The following WDFY4 variants were observed in gnomAD, a reference collection of about 807,000 sequenced individuals.
WDFY4 encodes WD repeat- and FYVE domain-containing protein 4.
A neutral mutation model predicts 351.9 loss-of-function variants in WDFY4; 169 were observed. The ratio of observed to expected loss-of-function variants is 0.48; its 90% confidence interval spans 0.42 to 0.55. The LOEUF is 0.55. Ranked by LOEUF, WDFY4 falls within the 20% of genes least tolerant of loss-of-function variation. WDFY4 has a pLI of 0.00. For synonymous variants in WDFY4, 1,622 were observed against 1,574.6 expected (o/e 1.03, Z -0.71); for missense variants, 3,803 against 3,935.6 (o/e 0.97, Z 0.90).
intron 9 of WDFY4, among the ~76,000 whole-genome samples, chr10:48,731,858 C>T (rs2064471297): frequency 6.6e-6 from 1 of 152,202 alleles, no homozygotes. Flanking sequence ...CTGCAGGGGT[C>T]TGACAGCTCC....
At position 48,807,936 on chromosome 10, in the gene WDFY4, C is replaced by A. The variant is rs1339460634; in HGVS notation, c.4816C>A (p.Pro1606Thr). ...GATGCTGCTCAGTGTAATATCTTCC[C>A]CCCAGCTTCATCTGTCCTCTGAGTA... is the stretch of plus-strand genomic sequence containing the variant. Reference protein sequence around the residue: ...LEMLLSVISSPQLHLSSESKE... With the variant: ...LEMLLSVISSTQLHLSSESKE... Residue 1606 changes from proline (P) to threonine (T), a missense_variant, in exon 28 of 62, where the codon CCC (proline) becomes ACC (threonine). Transcript: ENST00000325239. 2 of 1,547,882 alleles carry A rather than the reference C, an allele frequency of 1.3e-6. No homozygotes were observed. Among genetic ancestry groups the A allele is most frequent in the East Asian group, 4.9e-5 (2 of 40,642 alleles).
intron 29 of WDFY4, 73 bp from the exon 30 acceptor site, chr10:48,811,466 T>A: frequency 7.2e-7 from 1 of 1,385,528 alleles, no homozygotes; most frequent in Non-Finnish European, 9.8e-7. Context: ...GGTGTTCCTT[T>A]GTGTGTCCAG....
chr10:48,844,920 T>G (rs969079581), intron 39 of WDFY4, among the ~76,000 whole-genome samples: 5 of 152,196 alleles, frequency 3.3e-5, no homozygotes, highest in Admixed American at 3.3e-4. Context: ...ACCTAGATGA[T>G]GCGCCAGAGA....
At chr10:48,726,194 A>G in intron 6 of WDFY4, 124 bp downstream of exon 6, 1 of 1,162,090 alleles carries the variant, frequency 8.6e-7, no homozygotes, top group Non-Finnish European at 1.2e-6. Context: ...CTCTTATAGA[A>G]TTTTGGGACC....
intron 44 of WDFY4, 148 bp from the exon 45 acceptor site, chr10:48,897,306 C>G: frequency 8.9e-7 from 1 of 1,129,046 alleles, no homozygotes; most frequent in South Asian, 1.5e-5. Flanking sequence ...GTAGGGCTAG[C>G]ACACTGGTTG....
At chr10:48,974,409 C>A (rs539764558) in intron 57 of WDFY4, among the ~76,000 whole-genome samples, 1 of 135,208 alleles carries the variant, frequency 7.4e-6, no homozygotes, top group South Asian at 2.4e-4. Flanking sequence ...GAGGCTGATG[C>A]AAAAGAATTG....
chr10:48,788,783 T>C (rs2066581690), intron 21 of WDFY4, 108 bp downstream of exon 21: 1 of 1,355,832 alleles, frequency 7.4e-7, no homozygotes, highest in South Asian at 1.5e-5. Flanking sequence ...CTTGTGTAGA[T>C]GGATACACAA....
At chr10:48,718,188 A>C (rs1311316330) in intron 2 of WDFY4, among the ~76,000 whole-genome samples, 3 of 151,964 alleles carry the variant, frequency 2.0e-5, no homozygotes, top group African/African-American at 7.3e-5. Flanking sequence ...TCAGTTGTCT[A>C]TTTTGTTCTT....
At chr10:48,963,742 G>A in intron 53 of WDFY4, 100 bp from the exon 54 acceptor site, 2 of 1,292,880 alleles carry the variant, frequency 1.5e-6, no homozygotes, top group Non-Finnish European at 1.1e-6. Context: ...CCTCTGTGCA[G>A]GGCCAGCACT....
At position 48,698,723 on chromosome 10, in the gene WDFY4, G is replaced by A. The variant is rs534977038; in HGVS notation, c.-17-10993G>A. On this transcript the variant is annotated intron_variant, in intron 1 of 61. Transcript: ENST00000325239. ...GCCAAGTTGTACTGGTTCAATAAAC[G>A]CTGATGGGAAATGTGGACAGGTCTG... 3.4e-4 allele frequency among the ~76,000 whole-genome samples: 52 copies of A among 152,314 alleles called. 1 individual carries two copies. The highest frequency in any genetic ancestry group is 3.3e-3 in the Admixed American group (50 of 15,302).
At chr10:48,855,111 A>G (rs371614754) in intron 39 of WDFY4, among the ~76,000 whole-genome samples, 1 of 152,212 alleles carries the variant, frequency 6.6e-6, no homozygotes, top group African/African-American at 2.4e-5. Flanking sequence ...TTATTCCAAA[A>G]CAGTAACTGG....
intron 51 of WDFY4, among the ~76,000 whole-genome samples, chr10:48,954,328 A>T (rs1031035034): frequency 6.6e-6 from 1 of 152,202 alleles, no homozygotes; most frequent in Non-Finnish European, 1.5e-5. Context: ...CCAATAAGAA[A>T]TTGTTCCTTT....
chr10:48,787,961 T>C (rs1360650106), intron 20 of WDFY4, among the ~76,000 whole-genome samples: 2 of 128,396 alleles, frequency 1.6e-5, no homozygotes, highest in Non-Finnish European at 3.2e-5. Context: ...CTTCTTCTTC[T>C]TCTTCTTCTT....
intron 49 of WDFY4, among the ~76,000 whole-genome samples, chr10:48,944,251 T>G (rs920528981): frequency 6.6e-5 from 10 of 152,190 alleles, no homozygotes; most frequent in Admixed American, 3.9e-4. Flanking sequence ...GAGATGATGG[T>G]GTCTGGGCCT....
intron 1 of WDFY4, among the ~76,000 whole-genome samples, chr10:48,699,195 G>A (rs1327175893): frequency 3.3e-5 from 5 of 152,186 alleles, no homozygotes; most frequent in Admixed American, 1.3e-4. Context: ...AGGGCTCTCA[G>A]GGTGACCATG....
chr10:48,735,862 T>C lies in WDFY4; in HGVS notation c.1688-18T>C, dbSNP rs1274413796. 6.5e-7 allele frequency: 1 copy of C among 1,547,974 alleles called. No homozygotes were observed. The highest frequency in any genetic ancestry group is 1.2e-5 in the South Asian group (1 of 83,972). Reference sequence around the variant, plus strand: ...CTTCCCCCTTGCCCTAGCCCCATTCTGTCTGTCTGATCCTTAGTTGTCCTG... The same window carrying C: ...CTTCCCCCTTGCCCTAGCCCCATTCCGTCTGTCTGATCCTTAGTTGTCCTG... On this transcript the variant is annotated intron_variant, in intron 10 of 61. Transcript: ENST00000325239.
Position 48,828,913 on chromosome 10 carries a change from A to T in WDFY4, c.6340+17A>T. The T allele has an allele frequency of 1.7e-5, 4 of 234,196 alleles. No homozygotes were observed. Among genetic ancestry groups the T allele is most frequent in the Non-Finnish European group, 2.8e-5 (4 of 142,020 alleles). The allele number at this position is 234,196 out of a possible 1,614,324, so 14.5% of individuals were successfully genotyped here. On this transcript the variant is annotated intron_variant, in intron 37 of 61. Transcript: ENST00000325239. ...TGAGTGATGGTACATTTTATTTGTC[A>T]TTGTGTGTGTGGGCGGGGGGGGGGC...
At chr10:48,725,037 C>T (rs1416354365) in intron 5 of WDFY4, among the ~76,000 whole-genome samples, 2 of 151,904 alleles carry the variant, frequency 1.3e-5, no homozygotes, top group Non-Finnish European at 2.9e-5. Flanking sequence ...GTAGTGTGGC[C>T]GGGTGGGGTG....
intron 51 of WDFY4, 22 bp downstream of exon 51, chr10:48,946,991 TACACACACACACACAC>T: frequency 1.8e-6 from 2 of 1,099,480 alleles, no homozygotes; most frequent in Non-Finnish European, 2.7e-6. Context: ...CCACTCTCTG[TACACACACACACACAC>T]ACACACACAC....
Sources: gnomAD v4.1 joint callset for allele counts (sites outside exome capture counted in the v4.1 genomes callset) on GRCh38, gnomAD v4.1.1 for gene constraint, MANE v1.5 for transcripts, NCBI Gene and HGNC (gene_info 2026-07-23, HGNC 2026-07-21) for gene names.